The following CKMT2 variants were observed in gnomAD, a reference collection of about 807,000 sequenced individuals.
CKMT2 encodes the protein creatine kinase S-type, mitochondrial.
A neutral mutation model predicts 48.9 loss-of-function variants in CKMT2; 43 were observed. That is an observed-to-expected ratio of 0.88 (90% confidence interval 0.69 to 1.13). The LOEUF is 1.13. Ranked by LOEUF, CKMT2 falls within the 50% of genes most tolerant of loss-of-function variation. The pLI, the probability that CKMT2 is intolerant of heterozygous loss-of-function variation, is 0.00. For synonymous variants in CKMT2, 206 were observed against 213.0 expected, an observed-to-expected ratio of 0.97 and a Z score of 0.29; for missense variants, 472 against 555.4, an observed-to-expected ratio of 0.85 and a Z score of 1.51.
chr5:81,250,967 A>ACACT, intron 1 of CKMT2, 146 bp from the exon 2 acceptor site: 1 of 648,112 alleles, frequency 1.5e-6, no homozygotes, highest in Non-Finnish European at 2.7e-6. Context: ...ACACACACAC[A>ACACT]CACACACACA....
At chr5:81,253,259 T>C (rs6899067) in intron 3 of CKMT2, among the ~76,000 whole-genome samples, 10,182 of 152,198 alleles carry the variant, frequency 0.067, 418 homozygotes, top group Admixed American at 0.099. Context: ...CTGAGCTTTA[T>C]TGGGTGGGGG....
chr5:81,247,883 C>T (rs751229414), intron 1 of CKMT2, among the ~76,000 whole-genome samples: 7 of 152,166 alleles, frequency 4.6e-5, no homozygotes, highest in Non-Finnish European at 8.8e-5. Flanking sequence ...GCTTTGCTAG[C>T]CACAATCAAA....
chr5:81,255,213 A>ATG lies in CKMT2; in HGVS notation c.669+2_669+3dup. 1 of 1,613,700 alleles carries ATG rather than the reference A, an allele frequency of 6.2e-7. No individual in the cohort carries two copies. The highest frequency in any genetic ancestry group is 8.5e-7 in the Non-Finnish European group (1 of 1,179,842). On this transcript the variant is annotated frameshift_variant and splice_region_variant, in exon 5 of 10. Coordinates refer to ENST00000254035, the MANE Select transcript of CKMT2 (RefSeq NM_001099735.2). LOFTEE classifies it high-confidence loss of function. ...GAGCAGGACCAGCAGCGGCTCATCG[A>ATG]TGTGAGTAGCAGATGGGGCTCCCTG...
intron 3 of CKMT2, among the ~76,000 whole-genome samples, chr5:81,253,133 G>A (rs1756879944): frequency 6.6e-6 from 1 of 152,198 alleles, no homozygotes; most frequent in African/African-American, 2.4e-5. Flanking sequence ...TCCCTGTGGA[G>A]GAATGAATTG....
At position 81,251,299 on chromosome 5, in the gene CKMT2, C is replaced by G; in HGVS notation, c.152+15C>G. On this transcript the variant is annotated intron_variant, in intron 2 of 9. Transcript: ENST00000254035. ...TTTCCTCCAAGGTAAGGGCTCCTGA[C>G]TTTAAAATAACCTCAGGCCAGGCAC... is the stretch of plus-strand genomic sequence containing the variant. 6.2e-7 allele frequency: 1 copy of G among 1,612,980 alleles called. No homozygotes were observed. The highest frequency in any genetic ancestry group is 8.5e-7 in the Non-Finnish European group (1 of 1,179,628).
In CKMT2 at chr5:81,252,893, G is replaced by T. The variant is rs1756872239; in HGVS notation, c.351G>T (p.Glu117Asp). The change falls in exon 3 of 10, where the codon GAG (glutamate) becomes GAT (aspartate). Residue 117 changes from glutamate to aspartate, a missense_variant and splice_region_variant. Glu to Asp is a conservative substitution (Grantham distance 45). Coordinates refer to ENST00000254035, the MANE Select transcript of CKMT2 (RefSeq NM_001099735.2). ...TGGCTGGTGACGAGGAGTCCTATGA[G>T]GTAAAACTATTGGCTGCTGGTTCCA... Reference protein sequence around the residue: ...GMVAGDEESYEVFADLFDPVI... With the variant: ...GMVAGDEESYDVFADLFDPVI... The T allele has an allele frequency of 6.2e-7, 1 of 1,613,992 alleles. No homozygotes were observed. The highest frequency in any genetic ancestry group is 1.7e-5 in the Admixed American group (1 of 60,008).
chr5:81,237,143 T>C (rs886736991), intron 1 of CKMT2, among the ~76,000 whole-genome samples: 5 of 152,202 alleles, frequency 3.3e-5, no homozygotes, highest in African/African-American at 1.2e-4. Flanking sequence ...AGCGAGACTC[T>C]TTCTCAAATT....
intron 8 of CKMT2, among the ~76,000 whole-genome samples, chr5:81,259,650 A>ACATTTCTAACAAGTTT (rs2112820472): frequency 6.6e-6 from 1 of 152,300 alleles, no homozygotes; most frequent in South Asian, 2.1e-4. Context: ...TGCAGAATTC[A>ACATTTCTAACAAGTTT]CATTTCTAAC....
intron 9 of CKMT2, among the ~76,000 whole-genome samples, chr5:81,265,892 T>TA (rs552228672): frequency 1.4e-3 from 214 of 152,318 alleles, no homozygotes; most frequent in African/African-American, 4.9e-3. Context: ...GAAAAAATGT[T>TA]AGAGATGCAA....
rs762249477 is a variant in CKMT2 at position 81,254,398 on chromosome 5, G to A, written c.354G>A (p.Val118=). ...MVAGDEESYE[V]FADLFDPVIK... ...AACACCCATCTTCCCTCCTGCAGGT[G>A]TTTGCTGACCTTTTTGACCCCGTCA... is the stretch of plus-strand genomic sequence containing the variant. Residue 118 remains valine, a splice_region_variant and synonymous_variant, in exon 4 of 10, where the codon GTG becomes GTA. Coordinates refer to ENST00000254035, the MANE Select transcript of CKMT2 (RefSeq NM_001099735.2). The A allele has an allele frequency of 3.7e-6, 6 of 1,614,028 alleles. No homozygotes were observed. Among genetic ancestry groups the A allele is most frequent in the South Asian group, 2.2e-5 (2 of 91,082 alleles).
chr5:81,240,645 C>A lies in CKMT2; in HGVS notation c.-21+7268C>A, dbSNP rs114986121. Among the ~76,000 whole-genome samples the A allele has an allele frequency of 6.4e-3, 970 of 152,200 alleles. 5 individuals carry two copies. The highest frequency in any genetic ancestry group is 0.012 in the South Asian group (58 of 4,816). ...GAAAGGATCTTTATTTAAATGAGTGCCTGGTGCAGAACAGACACTCGATAC... is the reference window on the plus strand; with the variant it reads ...GAAAGGATCTTTATTTAAATGAGTGACTGGTGCAGAACAGACACTCGATAC... On this transcript the variant is annotated intron_variant, in intron 1 of 9. Coordinates refer to ENST00000254035, the MANE Select transcript of CKMT2 (RefSeq NM_001099735.2).
intron 1 of CKMT2, chr5:81,243,948 C>T: frequency 1.2e-5 from 10 of 834,210 alleles, no homozygotes; most frequent in Non-Finnish European, 1.4e-5. Context: ...CCACCTTGGC[C>T]TCCCAAAGTG....
At chr5:81,258,391 G>A (rs1320986922) in intron 7 of CKMT2, among the ~76,000 whole-genome samples, 3 of 152,180 alleles carry the variant, frequency 2.0e-5, no homozygotes, top group Non-Finnish European at 1.5e-5. Context: ...ATTTAATATC[G>A]CTCTGAGCTA....
rs138751994 is a variant in CKMT2 at position 81,257,833 on chromosome 5, C to A, written c.856C>A (p.Arg286=). Residue 286 remains arginine, a synonymous_variant, in exon 7 of 10, where the codon CGA becomes AGA. Coordinates refer to ENST00000254035, the MANE Select transcript of CKMT2 (RefSeq NM_001099735.2). The stretch of plus-strand genomic sequence containing the variant: ...AGGCAATATGAAACGAGTATTTGAG[C>A]GATTCTGTCGTGGACTAAAAGAAGT... ...KGGNMKRVFE[R]FCRGLKEVER... is the part of the protein sequence containing the mutation. 1 of 1,613,156 alleles carries A rather than the reference C, an allele frequency of 6.2e-7. No individual in the cohort carries two copies. Among genetic ancestry groups the A allele is most frequent in the Non-Finnish European group, 8.5e-7 (1 of 1,179,384 alleles).
chr5:81,254,117 C>A (rs1756914868), intron 3 of CKMT2, among the ~76,000 whole-genome samples: 2 of 152,222 alleles, frequency 1.3e-5, no homozygotes, highest in Non-Finnish European at 2.9e-5. Context: ...GTGATTTTGG[C>A]AGAATCACTC....
chr5:81,242,303 C>CT lies in CKMT2; in HGVS notation c.-20-8801dup, dbSNP rs537651612. On this transcript the variant is annotated intron_variant, in intron 1 of 9. Coordinates refer to ENST00000254035, the MANE Select transcript of CKMT2 (RefSeq NM_001099735.2). ...TAGATTTCATTCAAAAGTTTGTGGG[C>CT]TTTTTTTTTGTGAGACAAAGGTTTG... is the stretch of plus-strand genomic sequence containing the variant. The CT allele has an allele frequency of 3.7e-3, 1,205 of 322,746 alleles. 1 individual carries two copies. The highest frequency in any genetic ancestry group is 4.9e-3 in the Non-Finnish European group (822 of 167,276). 20.0% of individuals were successfully genotyped at this position (322,746 alleles called of 1,614,324 possible). A position where few individuals can be genotyped will look rare whatever the true frequency, so the allele number is the denominator to read the frequency against.
intron 9 of CKMT2, 121 bp from the exon 10 acceptor site, chr5:81,266,018 G>A: frequency 1.3e-6 from 1 of 776,480 alleles, no homozygotes; most frequent in Non-Finnish European, 2.1e-6. Flanking sequence ...TGAGAAGGAA[G>A]GAATTGTTGT....
chr5:81,257,364 A>ACCC (rs776876994), intron 6 of CKMT2, among the ~76,000 whole-genome samples: 6 of 151,058 alleles, frequency 4.0e-5, no homozygotes, highest in African/African-American at 1.5e-4. Flanking sequence ...GTGGAAGGTA[A>ACCC]CCCCCACCCG....
intron 1 of CKMT2, chr5:81,237,814 T>C (rs1580429822): frequency 6.6e-6 from 1 of 152,180 alleles, no homozygotes; most frequent in Non-Finnish European, 1.5e-5. Context: ...TAAGCAAGTT[T>C]TTCTTTTCCT....
Sources: gnomAD v4.1 joint callset for allele counts (sites outside exome capture counted in the v4.1 genomes callset) on GRCh38, gnomAD v4.1.1 for gene constraint, MANE v1.5 for transcripts, NCBI Gene and HGNC (gene_info 2026-07-23, HGNC 2026-07-21) for gene names.